KCNH7: variants seen among roughly 807,000 people sequenced by gnomAD.
KCNH7 encodes the protein voltage-gated inwardly rectifying potassium channel KCNH7.
Under a neutral mutation model 120.8 loss-of-function variants are expected in KCNH7, and 49 were observed. That is an observed-to-expected ratio of 0.41 (90% confidence interval 0.32 to 0.51). The LOEUF (loss-of-function observed/expected upper bound fraction) is 0.51. Among genes scored for constraint, KCNH7 ranks in the 20% least tolerant of loss-of-function variants. The pLI is 0.38. For missense variants in KCNH7, 1,097 were observed against 1,446.6 expected, an observed-to-expected ratio of 0.76 and a Z score of 3.92; for synonymous variants, 547 against 516.1, an observed-to-expected ratio of 1.06 and a Z score of -0.81.
chr2:162,802,854 C>G (rs189705152), intron 2 of KCNH7, among the ~76,000 whole-genome samples: 1 of 151,664 alleles, frequency 6.6e-6, no homozygotes, highest in Non-Finnish European at 1.5e-5. Context: ...ATTTTTAACA[C>G]AAACATATTT....
intron 2 of KCNH7, among the ~76,000 whole-genome samples, chr2:162,745,283 A>G (rs1688276919): frequency 6.6e-6 from 1 of 152,180 alleles, no homozygotes. Context: ...TTTAAGCTTC[A>G]TTTACCTTAA....
intron 2 of KCNH7, among the ~76,000 whole-genome samples, chr2:162,775,391 C>T (rs1683197535): frequency 6.6e-6 from 1 of 152,074 alleles, no homozygotes; most frequent in East Asian, 1.9e-4. Context: ...GTCTACCATG[C>T]TTCTCTTTCT....
chr2:162,632,575 C>T (rs1290568746), intron 2 of KCNH7, among the ~76,000 whole-genome samples: 4 of 151,554 alleles, frequency 2.6e-5, no homozygotes, highest in African/African-American at 7.3e-5. Flanking sequence ...CAATAAAGAA[C>T]GGTGTCTAAA....
chr2:162,502,260 T>C (rs911155195), intron 6 of KCNH7: 1 of 152,106 alleles, frequency 6.6e-6, no homozygotes, highest in African/African-American at 2.4e-5. Flanking sequence ...CCAGGTGTTC[T>C]ACTAAGGCCC....
intron 2 of KCNH7, among the ~76,000 whole-genome samples, chr2:162,639,535 T>C (rs775617968): frequency 6.6e-6 from 1 of 152,042 alleles, no homozygotes; most frequent in African/African-American, 2.4e-5. Flanking sequence ...TTTTTCAGTA[T>C]AGTCTTTACC....
chr2:162,577,832 A>G (rs1693741163), intron 2 of KCNH7, among the ~76,000 whole-genome samples: 2 of 152,080 alleles, frequency 1.3e-5, no homozygotes, highest in South Asian at 4.1e-4. Context: ...CTATTGTTTG[A>G]TAGAATTTTC....
At chr2:162,657,768 G>A (rs962184792) in intron 2 of KCNH7, among the ~76,000 whole-genome samples, 3 of 152,092 alleles carry the variant, frequency 2.0e-5, no homozygotes, top group Admixed American at 6.6e-5. Context: ...CAAAGTGACT[G>A]TACCATTTTC....
intron 2 of KCNH7, among the ~76,000 whole-genome samples, chr2:162,689,143 C>CTATTATTAT (rs148007770): frequency 0.1 from 15,577 of 149,634 alleles, 1,014 homozygotes; most frequent in East Asian, 0.33. Flanking sequence ...CATTTAGTTA[C>CTATTATTAT]TATTATTATT....
At chr2:162,440,182 T>G (rs1447459309) in intron 7 of KCNH7, among the ~76,000 whole-genome samples, 2 of 151,878 alleles carry the variant, frequency 1.3e-5, no homozygotes, top group African/African-American at 4.8e-5. Context: ...AATATATTAT[T>G]TCAGAAATTT....
At chr2:162,486,818 C>A (rs1473112337) in intron 6 of KCNH7, among the ~76,000 whole-genome samples, 1 of 152,060 alleles carries the variant, frequency 6.6e-6, no homozygotes, top group Non-Finnish European at 1.5e-5. Flanking sequence ...AAAATGGGTT[C>A]TGTCATGAAA....
At chr2:162,823,238 G>A (rs201615176) in intron 2 of KCNH7, among the ~76,000 whole-genome samples, 3 of 150,284 alleles carry the variant, frequency 2.0e-5, no homozygotes, top group Non-Finnish European at 2.9e-5. Context: ...GCTAAAAATT[G>A]AAAAAAAAAG....
chr2:162,758,730 T>C (rs1688872094), intron 2 of KCNH7, among the ~76,000 whole-genome samples: 1 of 152,162 alleles, frequency 6.6e-6, no homozygotes, highest in African/African-American at 2.4e-5. Flanking sequence ...GGCTTTATAA[T>C]TGAATTCTCT....
chr2:162,695,935 G>A (rs1360432588), intron 2 of KCNH7, among the ~76,000 whole-genome samples: 1 of 152,124 alleles, frequency 6.6e-6, no homozygotes, highest in Non-Finnish European at 1.5e-5. Flanking sequence ...CAAAAAAGAA[G>A]CTGCATGTAG....
At chr2:162,417,731 T>G (rs949050642) in intron 9 of KCNH7, among the ~76,000 whole-genome samples, 2 of 152,284 alleles carry the variant, frequency 1.3e-5, no homozygotes, top group South Asian at 2.1e-4. Context: ...TCATTCCAAC[T>G]GTAAATAAGT....
intron 13 of KCNH7, among the ~76,000 whole-genome samples, chr2:162,382,675 A>G (rs181806779): frequency 6.6e-6 from 1 of 152,158 alleles, no homozygotes; most frequent in Admixed American, 6.6e-5. Flanking sequence ...AGTGAGTGAC[A>G]TGTCCTATTG....
chr2:162,760,059 G>T (rs898706383), intron 2 of KCNH7, among the ~76,000 whole-genome samples: 2 of 152,100 alleles, frequency 1.3e-5, no homozygotes, highest in African/African-American at 4.8e-5. Flanking sequence ...CAAGTGTACG[G>T]TCATGTGGCA....
chr2:162,511,030 T>C (rs572515317), intron 5 of KCNH7, among the ~76,000 whole-genome samples: 33 of 151,870 alleles, frequency 2.2e-4, no homozygotes, highest in African/African-American at 7.7e-4. Flanking sequence ...CTGACTTTGA[T>C]GATTCTACCA....
intron 2 of KCNH7, among the ~76,000 whole-genome samples, chr2:162,708,016 C>A (rs926283427): frequency 1.3e-5 from 2 of 151,886 alleles, no homozygotes; most frequent in Non-Finnish European, 2.9e-5. Context: ...ATTTCTCTTG[C>A]CTACCCTATT....
intron 2 of KCNH7, among the ~76,000 whole-genome samples, chr2:162,736,234 T>A (rs1225274177): frequency 6.6e-6 from 1 of 152,208 alleles, no homozygotes; most frequent in Non-Finnish European, 1.5e-5. Flanking sequence ...TCTCATGCAA[T>A]GAGTTGCTTT....
Sources: allele counts gnomAD v4.1 joint callset (sites outside exome capture counted in the v4.1 genomes callset), GRCh38; gene constraint gnomAD v4.1.1; transcripts MANE v1.5; gene names NCBI Gene and HGNC (gene_info 2026-07-23, HGNC 2026-07-21).